The following CD40 variants were observed in gnomAD, a reference collection of about 807,000 sequenced individuals.
The protein encoded by CD40 is CD40 molecule, also known as tumor necrosis factor receptor superfamily member 5.
A neutral mutation model predicts 38.5 loss-of-function variants in CD40; 19 were observed. The observed-to-expected ratio is 0.49, with a 90% CI of 0.34 to 0.72. The LOEUF (loss-of-function observed/expected upper bound fraction) is 0.72, where lower values mean the gene tolerates loss of function less well. Ranked by LOEUF, CD40 falls within the 30% of genes least tolerant of loss-of-function variation. The probability of loss-of-function intolerance (pLI) is 0.01; values close to 1 mark genes in which losing one functional copy is unlikely to be tolerated. For missense variants in CD40, 256 were observed against 344.1 expected (o/e 0.74, Z 2.03); for synonymous variants, 130 against 128.7 (o/e 1.01, Z -0.07).
In CD40 at chr20:46,128,172, C is replaced by T; in HGVS notation, c.594C>T (p.Ile198=). 1 of 1,613,870 alleles carries T rather than the reference C, an allele frequency of 6.2e-7. No individual in the cohort carries two copies. The highest frequency in any genetic ancestry group is 8.5e-7 in the Non-Finnish European group (1 of 1,179,986). Residue 198 remains isoleucine, a synonymous_variant, in exon 7 of 9, where the codon ATC becomes ATT. Coordinates refer to ENST00000372285, the MANE Select transcript of CD40 (RefSeq NM_001250.6). ...PQDRLRALVV[I]PIIFGILFAI... Reference sequence around the variant, plus strand: ...ATCGGCTGAGAGCCCTGGTGGTGATCCCCATCATCTTCGGGATCCTGTTTG... The same window carrying T: ...ATCGGCTGAGAGCCCTGGTGGTGATTCCCATCATCTTCGGGATCCTGTTTG...
Position 46,126,719 on chromosome 20 carries a change from G to A in CD40, c.559+18G>A, listed in dbSNP as rs2085444641. On this transcript the variant is annotated intron_variant, in intron 6 of 8. Transcript: ENST00000372285. ...TGTCTGTGGTGAGTCCTGGACAATG[G>A]GCCCTGGAGAAAGCCTAGGAAGGTG... is the stretch of plus-strand genomic sequence containing the variant. 7 of 1,613,992 alleles carry A rather than the reference G, an allele frequency of 4.3e-6. No individual in the cohort carries two copies. Among genetic ancestry groups the A allele is most frequent in the Non-Finnish European group, 5.9e-6 (7 of 1,179,892 alleles).
intron 7 of CD40, 30 bp from the exon 8 acceptor site, chr20:46,128,300 C>T (rs1242055802): frequency 1.3e-6 from 2 of 1,536,002 alleles, no homozygotes; most frequent in East Asian, 4.5e-5. Flanking sequence ...TCCAACTCCC[C>T]ATCCTTTTTT....
chr20:46,126,910 A>G (rs1214595529), intron 6 of CD40: 2 of 726,612 alleles, frequency 2.8e-6, no homozygotes, highest in Non-Finnish European at 4.6e-6. Flanking sequence ...ATGGGATGAT[A>G]ACAGCACTTC....
At chr20:46,124,408 C>T (rs2085380341) in intron 5 of CD40, among the ~76,000 whole-genome samples, 1 of 152,186 alleles carries the variant, frequency 6.6e-6, no homozygotes, top group African/African-American at 2.4e-5. Flanking sequence ...GTCTTTCTCC[C>T]ATCCCTGCCC....
intron 5 of CD40, 44 bp downstream of exon 5, chr20:46,123,263 T>A (rs1568907309): frequency 7.1e-7 from 1 of 1,407,836 alleles, no homozygotes; most frequent in East Asian, 2.3e-5. Context: ...AAGAGTGGCA[T>A]GGAGCTGCCT....
intron 8 of CD40, 133 bp from the exon 9 acceptor site, chr20:46,128,749 G>A (rs554213696): frequency 2.5e-5 from 23 of 929,298 alleles, no homozygotes; most frequent in African/African-American, 1.3e-4. Flanking sequence ...GGAGGCACCC[G>A]AGGAATCAGC....
At chr20:46,123,579 C>T (rs1204607888) in intron 5 of CD40, among the ~76,000 whole-genome samples, 1 of 152,216 alleles carries the variant, frequency 6.6e-6, no homozygotes, top group Non-Finnish European at 1.5e-5. Flanking sequence ...TGGGTGCTCA[C>T]CCTGAGGGCC....
intron 5 of CD40, among the ~76,000 whole-genome samples, chr20:46,124,831 A>G (rs1260599266): frequency 1.5e-5 from 2 of 133,098 alleles, no homozygotes; most frequent in Non-Finnish European, 3.1e-5. Flanking sequence ...CAGTGGCGCA[A>G]TCTCGGCTCA....
intron 1 of CD40, among the ~76,000 whole-genome samples, chr20:46,119,485 G>T (rs2085276247): frequency 6.6e-6 from 1 of 152,178 alleles, no homozygotes; most frequent in Admixed American, 6.5e-5. Flanking sequence ...GTAAAGGGGG[G>T]CCCTTGTGGT....
chr20:46,123,734 C>A (rs1489416438), intron 5 of CD40, among the ~76,000 whole-genome samples: 1 of 149,722 alleles, frequency 6.7e-6, no homozygotes. Flanking sequence ...TGCCTCCTGG[C>A]CTCCCTGCCT....
intron 5 of CD40, among the ~76,000 whole-genome samples, chr20:46,124,874 C>A (rs2085399300): frequency 6.8e-6 from 1 of 147,636 alleles, no homozygotes; most frequent in Non-Finnish European, 1.5e-5. Flanking sequence ...TCACGCCATT[C>A]TCCTGCCTCA....
intron 5 of CD40, among the ~76,000 whole-genome samples, chr20:46,125,965 C>T (rs192500803): frequency 3.3e-5 from 5 of 152,352 alleles, no homozygotes; most frequent in Admixed American, 2.0e-4. Context: ...AGCGGGACTG[C>T]ACTGCTGATC....
chr20:46,128,557 C>A, intron 8 of CD40, 199 bp downstream of exon 8: 1 of 725,190 alleles, frequency 1.4e-6, no homozygotes, highest in South Asian at 1.5e-5. Flanking sequence ...CCCCTGGCAC[C>A]ACTGGCAGAG....
intron 5 of CD40, among the ~76,000 whole-genome samples, chr20:46,125,530 GA>G (rs2085416694): frequency 9.1e-6 from 1 of 110,296 alleles, no homozygotes; most frequent in Non-Finnish European, 1.7e-5. Flanking sequence ...TCTGGCGAAA[GA>G]GCAAGACTCT....
rs368921167 is a variant in CD40, at chr20:46,123,134, G to T, written c.412G>T (p.Val138Phe). The change falls in exon 5 of 9, where the codon GTT (valine) becomes TTT (phenylalanine). Residue 138 changes from valine (V) to phenylalanine (F), a missense_variant. Coordinates refer to ENST00000372285, the MANE Select transcript of CD40 (RefSeq NM_001250.6). ...TCCCCACCCACTCCCAGCTACAGGG[G>T]TTTCTGATACCATCTGCGAGCCCTG... ...GFGVKQIATG[V>F]SDTICEPCPV... The T allele has an allele frequency of 6.2e-7, 1 of 1,613,940 alleles. No homozygotes were observed.
At position 46,124,751 on chromosome 20, in the gene CD40, GTTTT is replaced by G. The variant is rs780015926; in HGVS notation, c.497+1562_497+1565del. On this transcript the variant is annotated intron_variant, in intron 5 of 8. Coordinates refer to ENST00000372285, the MANE Select transcript of CD40 (RefSeq NM_001250.6). Reference sequence around the variant, plus strand: ...GATAACTGGAGGCACCACTGGTATAGTTTTTTTTTTTTTTTTTTTTTTTTTTTTT... The same window carrying G: ...GATAACTGGAGGCACCACTGGTATAGTTTTTTTTTTTTTTTTTTTTTTTTT... Among the ~76,000 whole-genome samples, 150 of 73,936 alleles carry G rather than the reference GTTTT, an allele frequency of 2.0e-3. 3 individuals are homozygous for G. The highest frequency in any genetic ancestry group is 4.0e-3 in the South Asian group (7 of 1,762). The allele number at this position is 73,936 out of a possible 152,430, so 48.5% of individuals were successfully genotyped here.
intron 5 of CD40, among the ~76,000 whole-genome samples, chr20:46,124,573 A>G (rs1180128610): frequency 6.6e-6 from 1 of 152,010 alleles, no homozygotes; most frequent in Non-Finnish European, 1.5e-5. Flanking sequence ...TATACATTTT[A>G]TTTGTTAACT....
chr20:46,122,637 G>C lies in CD40; in HGVS notation c.284G>C (p.Gly95Ala). Reference sequence around the variant, plus strand: ...CTAGGGCTTCGGGTCCAGCAGAAGGGCACCTCAGAAACAGACACCATCTGC... The same window carrying C: ...CTAGGGCTTCGGGTCCAGCAGAAGGCCACCTCAGAAACAGACACCATCTGC... ...PNLGLRVQQK[G>A]TSETDTICTC... The change falls in exon 4 of 9, where the codon GGC becomes GCC. Residue 95 changes from glycine to alanine, a missense_variant. Gly to Ala is a moderately conservative substitution (Grantham distance 60, BLOSUM62 0). Coordinates refer to ENST00000372285, the MANE Select transcript of CD40 (RefSeq NM_001250.6). This position sits in a 1 kb window ranked among gnomAD's most constrained non-coding sequence, Gnocchi z 5.0. 1 of 1,614,122 alleles carries C rather than the reference G, an allele frequency of 6.2e-7. No individual in the cohort carries two copies. The highest frequency in any genetic ancestry group is 1.1e-5 in the South Asian group (1 of 91,072).
chr20:46,122,453 A>G lies in CD40; in HGVS notation c.256+95A>G. 1 of 1,590,684 alleles carries G rather than the reference A, an allele frequency of 6.3e-7. No homozygotes were observed. The highest frequency in any genetic ancestry group is 1.3e-5 in the African/African-American group (1 of 74,504). On this transcript the variant is annotated intron_variant, in intron 3 of 8. Transcript: ENST00000372285. This position sits in a 1 kb window ranked among gnomAD's most constrained non-coding sequence, Gnocchi z 5.0. ...TTTTATGTAGCCAGGGTCTGCTCTG[A>G]TTGGTTGGAGTCCGGGCTGTACTGA...
Sources: gnomAD v4.1 joint callset for allele counts (sites outside exome capture counted in the v4.1 genomes callset) on GRCh38, gnomAD v4.1.1 for gene constraint, Gnocchi (gnomAD v3.1) non-coding constraint, MANE v1.5 for transcripts, NCBI Gene and HGNC (gene_info 2026-07-23, HGNC 2026-07-21) for gene names.